The following MTCL2 variants were observed in gnomAD, a reference collection of about 807,000 sequenced individuals.
The protein encoded by MTCL2 is microtubule cross-linking factor 2.
the MTCL2 span, chr20:36,785,819 C>T: frequency 1.0e-6 from 1 of 985,590 alleles, no homozygotes; most frequent in Non-Finnish European, 1.2e-6. Context: ...CGCCTCCCAG[C>T]TCTTGCTGCA....
the MTCL2 span, among the ~76,000 whole-genome samples, chr20:36,847,239 T>C: frequency 6.6e-6 from 1 of 152,116 alleles, no homozygotes; most frequent in Non-Finnish European, 1.5e-5. Context: ...TGGCCCTGGG[T>C]CAGTGCGTCA....
chr20:36,796,919 C>T, the MTCL2 span: 2 of 1,614,004 alleles, frequency 1.2e-6, no homozygotes, highest in Admixed American at 1.7e-5. Flanking sequence ...ACTTCGGAAA[C>T]AGCCTCCTTG....
the MTCL2 span, among the ~76,000 whole-genome samples, chr20:36,861,833 T>C: frequency 6.6e-6 from 1 of 152,262 alleles, no homozygotes; most frequent in East Asian, 1.9e-4. Context: ...TCATGTCCAC[T>C]GAAAAAGCAA....
At chr20:36,845,010 CA>C in the MTCL2 span, among the ~76,000 whole-genome samples, 40,090 of 126,828 alleles carry the variant, frequency 0.32, 6,039 homozygotes, top group Middle Eastern at 0.42. Flanking sequence ...GATTCTGTCT[CA>C]AAAAAAAAAA....
the MTCL2 span, among the ~76,000 whole-genome samples, chr20:36,849,310 C>T: frequency 9.0e-4 from 137 of 152,070 alleles, 1 homozygote; most frequent in East Asian, 0.018. Flanking sequence ...CCACCCGCCT[C>T]GGCCTCCCAA....
the MTCL2 span, among the ~76,000 whole-genome samples, chr20:36,854,177 T>A: frequency 1.3e-5 from 2 of 152,164 alleles, no homozygotes; most frequent in East Asian, 3.9e-4. Context: ...TCTTGCCACT[T>A]ACAGGCTGCA....
the MTCL2 span, among the ~76,000 whole-genome samples, chr20:36,831,326 T>C: frequency 1.3e-5 from 2 of 152,302 alleles, no homozygotes; most frequent in South Asian, 2.1e-4. Flanking sequence ...AAAGCCAGTG[T>C]GGGTTGAGCT....
the MTCL2 span, among the ~76,000 whole-genome samples, chr20:36,849,121 G>A: frequency 8.1e-6 from 1 of 123,426 alleles, no homozygotes; most frequent in Non-Finnish European, 1.6e-5. Context: ...GAGTGCAATG[G>A]TGCAATCTCA....
At chr20:36,839,147 A>G in the MTCL2 span, 1 of 1,473,710 alleles carries the variant, frequency 6.8e-7, no homozygotes, top group Non-Finnish European at 9.2e-7. This position sits in a 1 kb window ranked among gnomAD's most constrained non-coding sequence, Gnocchi z 5.1. Context: ...ATGAGATGCA[A>G]GGCCAACCTG....
the MTCL2 span, among the ~76,000 whole-genome samples, chr20:36,841,871 T>TGGGGGGTGTGTG: frequency 2.8e-5 from 3 of 105,686 alleles, no homozygotes; most frequent in Non-Finnish European, 2.0e-5. Context: ...GGGTGGGGGG[T>TGGGGGGTGTGTG]GGGGTGTGTG....
At chr20:36,793,996 C>G in the MTCL2 span, 31 of 1,551,662 alleles carry the variant, frequency 2.0e-5, no homozygotes, top group Non-Finnish European at 2.5e-5. This position sits in a 1 kb window ranked among gnomAD's most constrained non-coding sequence, Gnocchi z 6.8. Context: ...TCACTTTCCT[C>G]TCCAGTGAGC....
the MTCL2 span, among the ~76,000 whole-genome samples, chr20:36,832,863 C>A: frequency 2.0e-5 from 3 of 152,026 alleles, no homozygotes; most frequent in Admixed American, 2.0e-4. Context: ...AAAAAAAAAT[C>A]ACAACTCCAG....
chr20:36,853,821 G>C, the MTCL2 span, among the ~76,000 whole-genome samples: 1 of 151,930 alleles, frequency 6.6e-6, no homozygotes, highest in Non-Finnish European at 1.5e-5. Flanking sequence ...CCCATTCAAG[G>C]CCTTACCTGG....
chr20:36,843,221 T>G, the MTCL2 span, among the ~76,000 whole-genome samples: 2 of 152,218 alleles, frequency 1.3e-5, no homozygotes, highest in African/African-American at 4.8e-5. Context: ...AGGACTGCTC[T>G]GCTCTTCCAA....
chr20:36,835,758 G>C, the MTCL2 span, among the ~76,000 whole-genome samples: 847 of 152,200 alleles, frequency 5.6e-3, 9 homozygotes, highest in African/African-American at 0.02. Flanking sequence ...GGGCAAGAGG[G>C]ATGCTGATTG....
the MTCL2 span, chr20:36,783,654 C>T: frequency 3.8e-6 from 2 of 521,486 alleles, no homozygotes; most frequent in Non-Finnish European, 4.9e-6. Flanking sequence ...TCGAGAAGGG[C>T]AGCATTCCTT....
the MTCL2 span, among the ~76,000 whole-genome samples, chr20:36,846,350 C>T: frequency 2.0e-5 from 3 of 152,186 alleles, no homozygotes; most frequent in East Asian, 5.8e-4. Flanking sequence ...GGCCTGGCCA[C>T]CTCCTTCAAG....
chr20:36,792,306 G>A, the MTCL2 span, among the ~76,000 whole-genome samples: 1 of 152,050 alleles, frequency 6.6e-6, no homozygotes, highest in Admixed American at 6.6e-5. Flanking sequence ...TCGGGAGTTC[G>A]AGACCAGCCT....
At chr20:36,810,704 C>T in the MTCL2 span, among the ~76,000 whole-genome samples, 2 of 149,330 alleles carry the variant, frequency 1.3e-5, no homozygotes, top group South Asian at 4.3e-4. Context: ...ACCCTCCCCT[C>T]CTTCTCTCTC....
Sources: allele counts gnomAD v4.1 joint callset (sites outside exome capture counted in the v4.1 genomes callset), GRCh38; gene constraint gnomAD v4.1.1; non-coding constraint Gnocchi (gnomAD v3.1); transcripts MANE v1.5; gene names NCBI Gene and HGNC (gene_info 2026-07-23, HGNC 2026-07-21).